ACOXL: variants seen among roughly 807,000 people sequenced by gnomAD.
The protein encoded by ACOXL is acyl-coenzyme A oxidase-like protein.
ACOXL carries 70 observed loss-of-function variants against 71.9 expected under a neutral mutation model. The observed-to-expected ratio is 0.97, with a 90% CI of 0.80 to 1.19. ACOXL has a LOEUF of 1.19. Ranked by LOEUF, ACOXL falls within the 50% of genes most tolerant of loss-of-function variation. The pLI is 0.00. For missense variants in ACOXL, 703 were observed against 736.3 expected, an observed-to-expected ratio of 0.95 and a Z score of 0.52; for synonymous variants, 253 against 281.6, an observed-to-expected ratio of 0.90 and a Z score of 1.02.
chr2:110,757,096 T>G (rs928985358), intron 1 of ACOXL, among the ~76,000 whole-genome samples: 1 of 152,180 alleles, frequency 6.6e-6, no homozygotes, highest in African/African-American at 2.4e-5. Flanking sequence ...GTTCTCACCA[T>G]GTATCCATAT....
chr2:110,793,976 C>G (rs1016894887), intron 4 of ACOXL, 100 bp from the exon 5 acceptor site: 20 of 1,243,288 alleles, frequency 1.6e-5, no homozygotes, highest in Admixed American at 1.9e-5. Flanking sequence ...CTCCAACCCA[C>G]CTGTCCCTCT....
intron 14 of ACOXL, among the ~76,000 whole-genome samples, chr2:111,007,369 T>C (rs1294274102): frequency 1.3e-5 from 2 of 152,382 alleles, no homozygotes; most frequent in East Asian, 3.9e-4. Flanking sequence ...TCCTCATTCC[T>C]ACCACTTTAT....
chr2:110,813,939 A>C (rs1200839524), intron 9 of ACOXL, among the ~76,000 whole-genome samples: 2 of 152,204 alleles, frequency 1.3e-5, no homozygotes, highest in African/African-American at 4.8e-5. Context: ...CAGTTTGCCC[A>C]GAGCTTTCTG....
intron 16 of ACOXL, among the ~76,000 whole-genome samples, chr2:111,055,511 A>G (rs1159941331): frequency 6.6e-6 from 1 of 152,184 alleles, no homozygotes; most frequent in African/African-American, 2.4e-5. Context: ...ATGCCCAAGG[A>G]CCTCATCTTG....
chr2:110,966,138 C>G (rs2061917165), intron 12 of ACOXL, among the ~76,000 whole-genome samples: 1 of 152,204 alleles, frequency 6.6e-6, no homozygotes, highest in South Asian at 2.1e-4. Context: ...ACTCCCATCC[C>G]CCACCCAGTG....
chr2:110,921,561 C>T (rs1348615690), intron 11 of ACOXL, among the ~76,000 whole-genome samples: 1 of 151,896 alleles, frequency 6.6e-6, no homozygotes, highest in Admixed American at 6.6e-5. Context: ...GTCCGGCTAA[C>T]TTTTTGTACT....
At chr2:110,793,917 T>C (rs990511205) in intron 4 of ACOXL, among the ~76,000 whole-genome samples, 159 bp from the exon 5 acceptor site, 3 of 152,226 alleles carry the variant, frequency 2.0e-5, no homozygotes, top group Non-Finnish European at 2.9e-5. Flanking sequence ...GGGCCTGTCA[T>C]GTTGTTAAGC....
intron 3 of ACOXL, among the ~76,000 whole-genome samples, chr2:110,793,021 G>A (rs1260818923): frequency 6.6e-6 from 1 of 152,152 alleles, no homozygotes; most frequent in East Asian, 1.9e-4. Flanking sequence ...TTCTCTCCAG[G>A]GTTGTTGTGA....
chr2:110,770,463 G>A (rs1337759662), intron 2 of ACOXL, among the ~76,000 whole-genome samples: 3 of 152,224 alleles, frequency 2.0e-5, no homozygotes, highest in Non-Finnish European at 4.4e-5. Context: ...GCACCTCCAC[G>A]CTGACAAGGG....
chr2:110,975,762 C>A (rs1449288231), intron 12 of ACOXL, among the ~76,000 whole-genome samples: 1 of 150,544 alleles, frequency 6.6e-6, no homozygotes, highest in Admixed American at 6.6e-5. Context: ...GAAACACAAG[C>A]ATTCAGAGAC....
At chr2:111,098,665 T>G (rs1043852614) in intron 17 of ACOXL, 1 of 152,304 alleles carries the variant, frequency 6.6e-6, no homozygotes, top group South Asian at 2.1e-4. Flanking sequence ...GTTTTTACAA[T>G]GAGCCATAGT....
intron 2 of ACOXL, among the ~76,000 whole-genome samples, chr2:110,779,308 A>C (rs1490724537): frequency 1.3e-5 from 2 of 152,192 alleles, no homozygotes; most frequent in Non-Finnish European, 2.9e-5. Flanking sequence ...GCAAGAAGTA[A>C]GAAGGGCTAG....
At chr2:111,026,242 G>A (rs977793450) in intron 14 of ACOXL, among the ~76,000 whole-genome samples, 1 of 151,984 alleles carries the variant, frequency 6.6e-6, no homozygotes, top group Non-Finnish European at 1.5e-5. Context: ...ACTTTTCTAG[G>A]TCCTCTGTAT....
chr2:110,910,435 T>C (rs2059613538), intron 11 of ACOXL, among the ~76,000 whole-genome samples: 2 of 152,262 alleles, frequency 1.3e-5, no homozygotes, highest in South Asian at 4.1e-4. Context: ...GTGAATATTC[T>C]TGTACAAGTG....
At chr2:111,057,441 G>A (rs1171179776) in intron 16 of ACOXL, among the ~76,000 whole-genome samples, 1 of 152,092 alleles carries the variant, frequency 6.6e-6, no homozygotes, top group Non-Finnish European at 1.5e-5. Context: ...AAGACTTTAC[G>A]GGCCTTCCAG....
intron 10 of ACOXL, among the ~76,000 whole-genome samples, chr2:110,879,450 G>C (rs1696347806): frequency 6.6e-6 from 1 of 152,174 alleles, no homozygotes; most frequent in South Asian, 2.1e-4. Context: ...AGACACTTCA[G>C]AGTACAAACT....
rs944729620 is a variant in ACOXL, at chr2:110,861,570, C to T, written c.788+20165C>T. On this transcript the variant is annotated intron_variant, in intron 10 of 17. Transcript: ENST00000439055. Reference sequence around the variant, plus strand: ...GGAACGGAGAAACTCAAAATCTAACCCCGGCTATGTTGTTAAATGGTGAAC... The same window carrying T: ...GGAACGGAGAAACTCAAAATCTAACTCCGGCTATGTTGTTAAATGGTGAAC... 2.0e-5 allele frequency among the ~76,000 whole-genome samples: 3 copies of T among 151,690 alleles called. No individual in the cohort carries two copies. The South Asian group carries it at 6.3e-4, about 32-fold the overall frequency.
At chr2:111,057,617 C>T (rs969758180) in intron 16 of ACOXL, among the ~76,000 whole-genome samples, 1 of 152,098 alleles carries the variant, frequency 6.6e-6, no homozygotes, top group Non-Finnish European at 1.5e-5. Context: ...CAGAGGGGTT[C>T]CCTCTCTTGC....
Position 110,805,390 on chromosome 2 carries a change from A to G in ACOXL, c.748A>G (p.Met250Val). Residue 250 changes from methionine to valine, a missense_variant, in exon 9 of 18, where the codon ATG becomes GTG. Met to Val is a conservative substitution (Grantham distance 21, BLOSUM62 1). Coordinates refer to ENST00000439055, the MANE Select transcript of ACOXL (RefSeq NM_001142807.4). Reference protein sequence around the residue: ...LAVAFQAMGAMKLGLTIAIRY... With the variant: ...LAVAFQAMGAVKLGLTIAIRY... ...TGTGGCTTTCCAAGCTATGGGTGCCATGAAGGTAATTGACTCTGATTTTAA... is the reference window on the plus strand; with the variant it reads ...TGTGGCTTTCCAAGCTATGGGTGCCGTGAAGGTAATTGACTCTGATTTTAA... 6.2e-7 allele frequency: 1 copy of G among 1,614,224 alleles called. No homozygotes were observed. Among genetic ancestry groups the G allele is most frequent in the South Asian group, 1.1e-5 (1 of 91,090 alleles).
Sources: gnomAD v4.1 joint callset for allele counts (sites outside exome capture counted in the v4.1 genomes callset) on GRCh38, gnomAD v4.1.1 for gene constraint, MANE v1.5 for transcripts, NCBI Gene and HGNC (gene_info 2026-07-23, HGNC 2026-07-21) for gene names.